Variants in DUSP18 observed in about 807,000 individuals in gnomAD.
DUSP18 encodes the protein dual specificity protein phosphatase 18.
In DUSP18, 4 loss-of-function variants were observed where a neutral mutation model predicts 6.3. The ratio of observed to expected loss-of-function variants is 0.63; its 90% CI spans 0.31 to 1.45. The LOEUF is 1.45. Ranked by LOEUF, DUSP18 falls within the 40% of genes most tolerant of loss-of-function variation. The probability of loss-of-function intolerance (pLI) is 0.07; values close to 1 mark genes in which losing one functional copy is unlikely to be tolerated. For synonymous variants in DUSP18, 96 were observed against 95.1 expected, an observed-to-expected ratio of 1.01 and a Z score of -0.05; for missense variants, 235 against 247.7, an observed-to-expected ratio of 0.95 and a Z score of 0.34.
At chr22:30,652,494 A>G (rs2088241466) in intron 2 of DUSP18, among the ~76,000 whole-genome samples, 1 of 151,734 alleles carries the variant, frequency 6.6e-6, no homozygotes, top group South Asian at 2.1e-4. Context: ...TTAATCTATA[A>G]ACTATAAACT....
chr22:30,664,478 C>T (rs1386612235), intron 1 of DUSP18, among the ~76,000 whole-genome samples: 1 of 152,214 alleles, frequency 6.6e-6, no homozygotes, highest in Non-Finnish European at 1.5e-5. Flanking sequence ...CCTTTTCTTG[C>T]TGCTCTTCCA....
chr22:30,655,429 C>CTAAAA lies in DUSP18; in HGVS notation c.*34-3133_*34-3132insTTTTA, dbSNP rs1389184839. On this transcript the variant is annotated intron_variant, in intron 2 of 2. Transcript: ENST00000404885. Reference sequence around the variant, plus strand: ...TCTGGGTAACAGAGTGAGATCCTACCAAAAAAAAAAAAAAAAAAAGAAAAA... The same window carrying CTAAAA: ...TCTGGGTAACAGAGTGAGATCCTACCTAAAAAAAAAAAAAAAAAAAAAAAGAAAAA... Among the ~76,000 whole-genome samples the CTAAAA allele has an allele frequency of 2.6e-4, 29 of 111,410 alleles. 4 individuals are homozygous for CTAAAA. Among genetic ancestry groups the CTAAAA allele is most frequent in the South Asian group, 8.4e-4 (3 of 3,584 alleles). 73.1% of individuals were successfully genotyped at this position (111,410 alleles called of 152,430 possible).
At position 30,655,429 on chromosome 22, in the gene DUSP18, C is replaced by T. The variant is rs796139228; in HGVS notation, c.*34-3132G>A. Among the ~76,000 whole-genome samples the T allele has an allele frequency of 1.2e-4, 13 of 111,630 alleles. 2 individuals carry two copies. The highest frequency in any genetic ancestry group is 9.7e-4 in the East Asian group (4 of 4,140). The allele number at this position is 111,630 out of a possible 152,430, so 73.2% of individuals were successfully genotyped here. A position where few individuals can be genotyped will look rare whatever the true frequency, so the allele number is the denominator to read the frequency against. ...TCTGGGTAACAGAGTGAGATCCTAC[C>T]AAAAAAAAAAAAAAAAAAAGAAAAA... is the stretch of plus-strand genomic sequence containing the variant. On this transcript the variant is annotated intron_variant, in intron 2 of 2. Transcript: ENST00000404885.
chr22:30,658,825 C>G (rs1163535924), downstream of DUSP18, among the ~76,000 whole-genome samples: 1 of 152,124 alleles, frequency 6.6e-6, no homozygotes, highest in Non-Finnish European at 1.5e-5. Flanking sequence ...TAGGACTGTT[C>G]TGATTTACAT....
intron 1 of DUSP18, chr22:30,667,074 T>C (rs2088700149): frequency 6.6e-6 from 1 of 152,198 alleles, no homozygotes; most frequent in Admixed American, 6.5e-5. Context: ...AGCAACTCGG[T>C]AGCAGTTCAG....
At position 30,667,548 on chromosome 22, in the gene DUSP18, G is replaced by T. The variant is rs3804080; in HGVS notation, c.-164C>A. 6.6e-6 allele frequency: 1 copy of T among 152,292 alleles called. No individual in the cohort carries two copies. 9.4% of individuals were successfully genotyped at this position (152,292 alleles called of 1,614,324 possible). A position where few individuals can be genotyped will look rare whatever the true frequency, so the allele number is the denominator to read the frequency against. On this transcript the variant is annotated 5_prime_UTR_variant, in exon 1 of 2. Coordinates refer to ENST00000334679, the MANE Select transcript of DUSP18 (RefSeq NM_152511.5). ...GCAAGGTTCTTCGGGAGAGAGACCCGTCATGATCCCGCAGCCTCAATCCCC... is the reference window on the plus strand; with the variant it reads ...GCAAGGTTCTTCGGGAGAGAGACCCTTCATGATCCCGCAGCCTCAATCCCC...
At chr22:30,658,376 A>C (rs1004981162), downstream of DUSP18, among the ~76,000 whole-genome samples, 1 of 126,876 alleles carries the variant, frequency 7.9e-6, no homozygotes, top group Non-Finnish European at 1.7e-5. Context: ...CTGTCTCTAG[A>C]AAAAAAAAAA....
Position 30,663,842 on chromosome 22 carries a change from C to T in DUSP18, c.162G>A (p.Val54=). ...NQITMVINVS[V]EVVNTLYEDI... ...CCTCATACAAGGTGTTCACTACCTC[C>T]ACTGAGACATTGATGACCATGGTGA... Residue 54 remains valine (V), a synonymous_variant, in exon 2 of 2, where the codon GTG becomes GTA. Transcript: ENST00000334679. The T allele has an allele frequency of 6.2e-7, 1 of 1,614,224 alleles. No homozygotes were observed. The highest frequency in any genetic ancestry group is 8.5e-7 in the Non-Finnish European group (1 of 1,180,042).
chr22:30,655,936 T>G (rs535135543), intron 2 of DUSP18, among the ~76,000 whole-genome samples: 1,564 of 114,422 alleles, frequency 0.014, 30 homozygotes, highest in African/African-American at 0.067. Context: ...TTCTTAGGAC[T>G]TTTTTTTTTC....
downstream of DUSP18, among the ~76,000 whole-genome samples, chr22:30,658,221 A>G (rs1023868498): frequency 4.6e-5 from 7 of 151,842 alleles, no homozygotes; most frequent in Non-Finnish European, 8.8e-5. Context: ...CCTGGAAATA[A>G]TGGATCTGAG....
At chr22:30,657,297 ACAC>A (rs1569065166), downstream of DUSP18, among the ~76,000 whole-genome samples, 8 of 149,524 alleles carry the variant, frequency 5.4e-5, no homozygotes, top group East Asian at 1.6e-3. Flanking sequence ...ACACACACAC[ACAC>A]ACACACAAAT....
intron 1 of DUSP18, among the ~76,000 whole-genome samples, chr22:30,665,990 G>A (rs1177012823): frequency 6.6e-6 from 1 of 152,184 alleles, no homozygotes; most frequent in East Asian, 1.9e-4. Context: ...ACCAAAGGTT[G>A]TATAGGCAAA....
downstream of DUSP18, among the ~76,000 whole-genome samples, chr22:30,657,576 T>C (rs1396980279): frequency 2.0e-5 from 3 of 151,660 alleles, no homozygotes; most frequent in Admixed American, 6.6e-5. Flanking sequence ...CTGGGAAATA[T>C]GGTGAGACGC....
At chr22:30,656,085 C>CACCT (rs1294476875) in intron 2 of DUSP18, among the ~76,000 whole-genome samples, 1 of 151,996 alleles carries the variant, frequency 6.6e-6, no homozygotes. Context: ...GCGATCCTCC[C>CACCT]ACCTCAGCTT....
downstream of DUSP18, among the ~76,000 whole-genome samples, chr22:30,658,183 G>C (rs2088384446): frequency 6.6e-6 from 1 of 151,560 alleles, no homozygotes; most frequent in Admixed American, 6.6e-5. Context: ...TAAGCAGTCT[G>C]TCTCTCCCAC....
downstream of DUSP18, chr22:30,661,444 C>CTTTTTTTTTTTTTTTTTTTTTTTT (rs56242112): frequency 7.3e-6 from 1 of 136,478 alleles, no homozygotes; most frequent in Non-Finnish European, 1.5e-5. Flanking sequence ...TTTTCTTTTT[C>CTTTTTTTTTTTTTTTTTTTTTTTT]TTTTTTTTTT....
intron 2 of DUSP18, among the ~76,000 whole-genome samples, chr22:30,653,624 T>C (rs865880149): frequency 4.0e-5 from 6 of 149,922 alleles, no homozygotes; most frequent in Admixed American, 2.7e-4. Context: ...CCGCCCCCCC[T>C]CGGCCTCCCA....
Position 30,662,167 on chromosome 22 carries a change from G to A in DUSP18, c.*1270C>T, listed in dbSNP as rs1291698148. ...GACCTGGGACCAGCAGGGTGAAAGA[G>A]TCTATCATTCATGATGAGAGCTGCC... is the stretch of plus-strand genomic sequence containing the variant. On this transcript the variant is annotated 3_prime_UTR_variant, in exon 2 of 2. Coordinates refer to ENST00000334679, the MANE Select transcript of DUSP18 (RefSeq NM_152511.5). 6.6e-6 allele frequency: 1 copy of A among 152,116 alleles called. No homozygotes were observed. Among genetic ancestry groups the A allele is most frequent in the Non-Finnish European group, 1.5e-5 (1 of 68,044 alleles). The allele number at this position is 152,116 out of a possible 1,614,324, so 9.4% of individuals were successfully genotyped here.
At chr22:30,667,250 G>A (rs2088707940) in intron 1 of DUSP18, 1 of 152,194 alleles carries the variant, frequency 6.6e-6, no homozygotes, top group Non-Finnish European at 1.5e-5. Context: ...ATAAAGCAAA[G>A]AAGCCGACCT....
Sources: gnomAD v4.1 joint callset for allele counts (sites outside exome capture counted in the v4.1 genomes callset) on GRCh38, gnomAD v4.1.1 for gene constraint, MANE v1.5 for transcripts, NCBI Gene and HGNC (gene_info 2026-07-23, HGNC 2026-07-21) for gene names.